Variants in STARD9 observed in about 807,000 individuals in gnomAD.
STARD9 encodes StAR related lipid transfer domain containing 9, also known as stAR-related lipid transfer protein 9.
A neutral mutation model predicts 399.8 loss-of-function variants in STARD9; 346 were observed. The observed-to-expected ratio is 0.87, with a 90% CI of 0.79 to 0.95. The LOEUF (loss-of-function observed/expected upper bound fraction) is 0.95, where lower values mean the gene tolerates loss of function less well. STARD9 is among the 40% of genes least tolerant of loss of function. STARD9 has a pLI of 0.00. For missense variants in STARD9, 5,832 were observed against 5,667.5 expected, an observed-to-expected ratio of 1.03 and a Z score of -0.93; for synonymous variants, 2,203 against 2,143.5, an observed-to-expected ratio of 1.03 and a Z score of -0.77.
chr15:42,657,166 G>A (rs1009194363), intron 9 of STARD9, among the ~76,000 whole-genome samples: 2 of 152,002 alleles, frequency 1.3e-5, no homozygotes, highest in Non-Finnish European at 2.9e-5. Context: ...AGACCAGCCT[G>A]GCCAACATGG....
chr15:42,686,399 C>T lies in STARD9; in HGVS notation c.4821C>T (p.Val1607=). 5.2e-6 allele frequency: 8 copies of T among 1,537,678 alleles called. No homozygotes were observed. Among genetic ancestry groups the T allele is most frequent in the Non-Finnish European group, 7.0e-6 (8 of 1,147,028 alleles). The change falls in exon 23 of 33, where the codon GTC becomes GTT. Residue 1607 remains valine (V), a synonymous_variant. Coordinates refer to ENST00000290607, the MANE Select transcript of STARD9 (RefSeq NM_020759.3). Reference sequence around the variant, plus strand: ...CTTCTCGATCTACAAATGCACAGGTCTTTGCAACAGAGAACGCGATACCAG... The same window carrying T: ...CTTCTCGATCTACAAATGCACAGGTTTTTGCAACAGAGAACGCGATACCAG... ...LSASRSTNAQ[V]FATENAIPDS... is the part of the protein sequence containing the mutation.
chr15:42,652,477 T>G (rs1242363436), intron 8 of STARD9, 43 bp from the exon 9 acceptor site: 1 of 1,481,090 alleles, frequency 6.8e-7, no homozygotes, highest in South Asian at 1.2e-5. Flanking sequence ...ATCCACCATG[T>G]GTAAACAATC....
rs2060724585 is a variant in STARD9, at chr15:42,692,179, A to G, written c.10601A>G (p.Asn3534Ser). ...PFHSHLSTYA[N>S]ICDLSTTHSS... ...CACTCCCACCTCAGCACTTACGCCA[A>G]TATTTGTGATCTGTCAACCACACAC... Residue 3534 changes from asparagine to serine, a missense_variant, in exon 23 of 33, where the codon AAT becomes AGT. By Grantham distance (46) the Asn-to-Ser change is conservative. Coordinates refer to ENST00000290607, the MANE Select transcript of STARD9 (RefSeq NM_020759.3). 7 of 1,537,004 alleles carry G rather than the reference A, an allele frequency of 4.6e-6. No individual in the cohort carries two copies. The highest frequency in any genetic ancestry group is 2.0e-5 in the Admixed American group (1 of 50,974).
At chr15:42,663,670 G>T (rs1397806702) in intron 12 of STARD9, 150 bp from the exon 13 acceptor site, 3 of 653,488 alleles carry the variant, frequency 4.6e-6, no homozygotes, top group Non-Finnish European at 8.0e-6. Flanking sequence ...TGTTGGGACT[G>T]GTACTCTATC....
intron 32 of STARD9, among the ~76,000 whole-genome samples, 191 bp from the exon 33 acceptor site, chr15:42,719,282 T>C (rs557090778): frequency 6.6e-6 from 1 of 152,148 alleles, no homozygotes; most frequent in Non-Finnish European, 1.5e-5. Context: ...CCTTGACTTG[T>C]ACTTTGTCAC....
intron 3 of STARD9, among the ~76,000 whole-genome samples, chr15:42,608,339 G>GAA (rs1317899926): frequency 6.6e-6 from 1 of 152,136 alleles, no homozygotes; most frequent in Non-Finnish European, 1.5e-5. Flanking sequence ...CTGTTCAGAT[G>GAA]AACACATAAC....
chr15:42,683,764 TA>T (rs2060484751), intron 22 of STARD9, among the ~76,000 whole-genome samples: 2 of 152,272 alleles, frequency 1.3e-5, no homozygotes, highest in African/African-American at 4.8e-5. Context: ...TTGATAATTA[TA>T]GTTCTGTAGA....
At chr15:42,630,409 A>G (rs936875910) in intron 3 of STARD9, among the ~76,000 whole-genome samples, 1 of 151,842 alleles carries the variant, frequency 6.6e-6, no homozygotes, top group African/African-American at 2.4e-5. Context: ...TCTTTTTTTG[A>G]TGTATCTTTA....
At chr15:42,588,804 T>G (rs1409064451) in intron 3 of STARD9, among the ~76,000 whole-genome samples, 3 of 40,878 alleles carry the variant, frequency 7.3e-5, no homozygotes, top group South Asian at 9.6e-4. Context: ...TTTTTTTTTT[T>G]TTTTTTTTTT....
chr15:42,657,997 A>G (rs950592369), intron 9 of STARD9, among the ~76,000 whole-genome samples: 2 of 152,222 alleles, frequency 1.3e-5, no homozygotes, highest in Non-Finnish European at 2.9e-5. Context: ...TAAATGGGAA[A>G]CCTGAAACTA....
intron 3 of STARD9, among the ~76,000 whole-genome samples, chr15:42,593,759 GTC>G (rs1427194826): frequency 6.9e-6 from 1 of 145,380 alleles, no homozygotes; most frequent in Non-Finnish European, 1.5e-5. Context: ...TGCCTCCCAG[GTC>G]CACGCCATTC....
intron 23 of STARD9, 42 bp downstream of exon 23, chr15:42,694,384 C>A: frequency 6.5e-7 from 1 of 1,535,480 alleles, no homozygotes; most frequent in Non-Finnish European, 8.7e-7. Flanking sequence ...AAGGGGTGGG[C>A]TGTGAGGAAA....
intron 26 of STARD9, among the ~76,000 whole-genome samples, chr15:42,699,374 G>C (rs1194858351): frequency 7.1e-6 from 1 of 140,648 alleles, no homozygotes; most frequent in Non-Finnish European, 1.5e-5. Flanking sequence ...TCTTCTATGA[G>C]ATCAACTTTT....
chr15:42,705,706 G>T (rs1051429447), intron 26 of STARD9, among the ~76,000 whole-genome samples: 1 of 152,054 alleles, frequency 6.6e-6, no homozygotes. Context: ...TGAACAAAGT[G>T]CTGGGATTAC....
Position 42,585,563 on chromosome 15 carries a change from G to C in STARD9, c.160G>C (p.Val54Leu), listed in dbSNP as rs535619960. ...TGGCTTTGGGGACTCCCGGGAGAAG[G>C]TTATGGCATTTGGCTTTGATTACTG... is the stretch of plus-strand genomic sequence containing the variant. ...PDGFGDSREK[V>L]MAFGFDYCYW... The change falls in exon 3 of 33, where the codon GTT becomes CTT. Residue 54 changes from valine (V) to leucine (L), a missense_variant. This residue lies in a region of STARD9 where 5,828 missense variants were observed against 5,651.1 expected (regional missense o/e 1.03). Coordinates refer to ENST00000290607, the MANE Select transcript of STARD9 (RefSeq NM_020759.3). 4.1e-5 allele frequency: 63 copies of C among 1,537,166 alleles called. No individual in the cohort carries two copies. The African/African-American group carries it at 8.5e-4, about 21-fold the overall frequency.
At chr15:42,710,278 G>A (rs144023421) in intron 26 of STARD9, among the ~76,000 whole-genome samples, 1 of 151,870 alleles carries the variant, frequency 6.6e-6, no homozygotes, top group East Asian at 1.9e-4. Flanking sequence ...GCCCAGGCTG[G>A]TGTTGAACTC....
intron 7 of STARD9, among the ~76,000 whole-genome samples, chr15:42,650,224 TCTATTGA>T (rs1459351989): frequency 2.0e-5 from 3 of 152,180 alleles, no homozygotes; most frequent in African/African-American, 7.2e-5. Flanking sequence ...TGGATTGCTT[TCTATTGA>T]CTATTATTTT....
At position 42,717,740 on chromosome 15, in the gene STARD9, G is replaced by A; in HGVS notation, c.13504G>A (p.Ala4502Thr). The change falls in exon 29 of 33, where the codon GCT becomes ACT. Residue 4502 changes from alanine (A) to threonine (T), a missense_variant. Physicochemically the swap from Ala to Thr is moderately conservative, Grantham distance 58 (BLOSUM62 0). Around this residue, in one of 2 missense-constraint regions of STARD9, gnomAD observed 5,828 missense variants for 5,651.1 expected, o/e 1.03. Transcript: ENST00000290607. ...GCCATTGTGTCCCCAGGTAATGGCTGCTTGTTCGGATAATTTGCACAACCT... is the reference window on the plus strand; with the variant it reads ...GCCATTGTGTCCCCAGGTAATGGCTACTTGTTCGGATAATTTGCACAACCT... ...VDTSMADVMA[A>T]CSDNLHNLFS... The A allele has an allele frequency of 6.5e-7, 1 of 1,537,228 alleles. No individual in the cohort carries two copies.
chr15:42,628,544 A>G (rs777217494), intron 3 of STARD9, among the ~76,000 whole-genome samples: 90 of 152,154 alleles, frequency 5.9e-4, no homozygotes, highest in Non-Finnish European at 1.1e-3. Flanking sequence ...GTTAATGTTT[A>G]GTAGTTTCAT....
Sources: allele counts gnomAD v4.1 joint callset (sites outside exome capture counted in the v4.1 genomes callset), GRCh38; gene constraint gnomAD v4.1.1; regional missense constraint gnomAD v4.1.1; transcripts MANE v1.5; gene names NCBI Gene and HGNC (gene_info 2026-07-23, HGNC 2026-07-21).